Variants in ARIH2 observed in about 807,000 individuals in gnomAD.
The protein encoded by ARIH2 is E3 ubiquitin-protein ligase ARIH2.
In ARIH2, 12 loss-of-function variants were observed where a neutral mutation model predicts 79.8. The ratio of observed to expected loss-of-function variants is 0.15; its 90% CI spans 0.10 to 0.24. ARIH2 has a LOEUF of 0.24. Among genes scored for constraint, ARIH2 ranks in the 10% least tolerant of loss-of-function variants. The pLI is 1.00. For missense variants in ARIH2, 301 were observed against 618.3 expected (o/e 0.49, Z 5.44); for synonymous variants, 224 against 213.9 (o/e 1.05, Z -0.41).
At chr3:48,958,433 C>T (rs977572133) in intron 3 of ARIH2, among the ~76,000 whole-genome samples, 1 of 152,240 alleles carries the variant, frequency 6.6e-6, no homozygotes, top group East Asian at 1.9e-4. Flanking sequence ...ATAGATAGGC[C>T]GGGCACGGTG....
intron 3 of ARIH2, chr3:48,935,023 T>A: frequency 1.2e-6 from 1 of 853,898 alleles, no homozygotes; most frequent in Non-Finnish European, 1.4e-6. Context: ...TTTGTCAAGA[T>A]GTTACTACAG....
chr3:48,934,551 C>T (rs1265121068), intron 3 of ARIH2: 3 of 985,216 alleles, frequency 3.0e-6, no homozygotes, highest in Non-Finnish European at 3.6e-6. Flanking sequence ...CTGATGTGAG[C>T]TGTCTTTGCA....
At chr3:48,923,943 G>A (rs913958395) in intron 2 of ARIH2, among the ~76,000 whole-genome samples, 1 of 152,172 alleles carries the variant, frequency 6.6e-6, no homozygotes, top group Non-Finnish European at 1.5e-5. Context: ...AAACCAGCCT[G>A]AGCAACATAG....
At chr3:48,981,471 C>T (rs1559870993) in intron 13 of ARIH2, among the ~76,000 whole-genome samples, 189 bp from the exon 14 acceptor site, 1 of 152,124 alleles carries the variant, frequency 6.6e-6, no homozygotes, top group African/African-American at 2.4e-5. Flanking sequence ...CTGTGACCAT[C>T]GTTGTTTGTT....
In ARIH2 at chr3:48,978,415, TTGTGTATGTGTGTGTGTGTG is replaced by T. The variant is rs756802486; in HGVS notation, c.962-1061_962-1042del. ...GCATGTGCCACCACACCTGGCTAAT[TTGTGTATGTGTGTGTGTGTG>T]TGTGTGTGTGTGTGTGTGTGTGTGT... is the stretch of plus-strand genomic sequence containing the variant. On this transcript the variant is annotated intron_variant, in intron 11 of 15. Coordinates refer to ENST00000356401, the MANE Select transcript of ARIH2 (RefSeq NM_006321.4). 3.5e-4 allele frequency among the ~76,000 whole-genome samples: 32 copies of T among 90,696 alleles called. No homozygotes were observed. The South Asian group carries it at 4.0e-3, about 11-fold the overall frequency. 59.5% of individuals were successfully genotyped at this position (90,696 alleles called of 152,430 possible).
chr3:48,949,291 G>A (rs1393496793), intron 3 of ARIH2, among the ~76,000 whole-genome samples: 1 of 152,098 alleles, frequency 6.6e-6, no homozygotes, highest in Non-Finnish European at 1.5e-5. Context: ...CTAGTTTTTT[G>A]TGTTTTTAGT....
chr3:48,950,035 T>A (rs993871627), intron 3 of ARIH2, among the ~76,000 whole-genome samples: 2 of 152,190 alleles, frequency 1.3e-5, no homozygotes, highest in African/African-American at 4.8e-5. Context: ...CTGTGCTTTC[T>A]TTTAGCAATT....
intron 9 of ARIH2, 123 bp downstream of exon 9, chr3:48,973,939 G>T: frequency 1.5e-6 from 1 of 673,670 alleles, no homozygotes; most frequent in South Asian, 2.2e-5. Flanking sequence ...TGAGGACTGG[G>T]GGTTTGGGGA....
intron 2 of ARIH2, among the ~76,000 whole-genome samples, chr3:48,926,211 G>A (rs1338267585): frequency 3.9e-5 from 6 of 151,910 alleles, no homozygotes; most frequent in Non-Finnish European, 5.9e-5. Context: ...CGCTGTTTGC[G>A]GGCTTTTCTT....
chr3:48,936,669 G>A lies in ARIH2; in HGVS notation c.255+8856G>A, dbSNP rs1264018081. On this transcript the variant is annotated intron_variant, in intron 3 of 15. Transcript: ENST00000356401. Reference sequence around the variant, plus strand: ...AATCGCTTGAACCTGGGAAGCGGAGGTTGCAGTGAGCCAAGATTGCACCAC... The same window carrying A: ...AATCGCTTGAACCTGGGAAGCGGAGATTGCAGTGAGCCAAGATTGCACCAC... Among the ~76,000 whole-genome samples, 5 of 151,808 alleles carry A rather than the reference G, an allele frequency of 3.3e-5. No individual in the cohort carries two copies. In the East Asian group the frequency reaches 9.7e-4, roughly 30 times the overall value.
In ARIH2 at chr3:48,947,314, G is replaced by C. The variant is rs1433146969; in HGVS notation, c.256-14298G>C. 2.0e-5 allele frequency among the ~76,000 whole-genome samples: 3 copies of C among 152,088 alleles called. No individual in the cohort carries two copies. In the East Asian group the frequency reaches 5.8e-4, roughly 29 times the overall value. ...AAATTAGCCGGGCGTTGTAGCGCAT[G>C]CCTATAATCCCAGCTACTCGGGAGG... On this transcript the variant is annotated intron_variant, in intron 3 of 15. Coordinates refer to ENST00000356401, the MANE Select transcript of ARIH2 (RefSeq NM_006321.4).
chr3:48,926,268 T>TGTGTGTAC (rs1188594069), intron 2 of ARIH2, among the ~76,000 whole-genome samples: 1 of 151,840 alleles, frequency 6.6e-6, no homozygotes, highest in African/African-American at 2.4e-5. Context: ...TGTGTGTGTA[T>TGTGTGTAC]GTGTGTACGT....
intron 12 of ARIH2, chr3:48,979,920 T>C (rs1457369137): frequency 6.5e-6 from 2 of 310,064 alleles, no homozygotes; most frequent in Non-Finnish European, 1.2e-5. Flanking sequence ...CCATCTTTTT[T>C]TTTTTTTCTT....
intron 3 of ARIH2, among the ~76,000 whole-genome samples, chr3:48,929,408 C>T (rs2086078659): frequency 6.7e-6 from 1 of 150,168 alleles, no homozygotes; most frequent in Non-Finnish European, 1.5e-5. Flanking sequence ...GTTTTACATT[C>T]TTCCTTCTTA....
At chr3:48,956,421 G>A (rs1167191799) in intron 3 of ARIH2, among the ~76,000 whole-genome samples, 1 of 140,498 alleles carries the variant, frequency 7.1e-6, no homozygotes, top group Non-Finnish European at 1.5e-5. Context: ...TTACAGACGT[G>A]AGCCACTGCG....
intron 1 of ARIH2, among the ~76,000 whole-genome samples, chr3:48,922,008 G>A (rs1292269053): frequency 6.6e-6 from 1 of 152,174 alleles, no homozygotes; most frequent in Non-Finnish European, 1.5e-5. Flanking sequence ...CACAGTGGAG[G>A]TGATTTTGTA....
At chr3:48,956,288 G>A (rs1382858888) in intron 3 of ARIH2, among the ~76,000 whole-genome samples, 3 of 151,174 alleles carry the variant, frequency 2.0e-5, no homozygotes, top group Non-Finnish European at 3.0e-5. Context: ...ACAGGCGCCC[G>A]CCACAACACC....
intron 3 of ARIH2, among the ~76,000 whole-genome samples, chr3:48,937,456 C>T (rs1285989247): frequency 6.6e-6 from 1 of 152,134 alleles, no homozygotes; most frequent in African/African-American, 2.4e-5. Flanking sequence ...TGCCTCTGTA[C>T]CACTGTGCTT....
In ARIH2 at chr3:48,973,609, C is replaced by G; in HGVS notation, c.771-90C>G. ...AAAAAAAAAGAAAAAAGCTCTAATT[C>G]ATGATTTGTTGGCTTGGATAAAAGG... On this transcript the variant is annotated intron_variant, in intron 8 of 15. Coordinates refer to ENST00000356401, the MANE Select transcript of ARIH2 (RefSeq NM_006321.4). The G allele has an allele frequency of 1.3e-5, 10 of 785,380 alleles. No individual in the cohort carries two copies. In the South Asian group the frequency reaches 1.5e-4, roughly 12 times the overall value. The allele number at this position is 785,380 out of a possible 1,614,324, so 48.7% of individuals were successfully genotyped here. A position where few individuals can be genotyped will look rare whatever the true frequency, so the allele number is the denominator to read the frequency against.
Sources: allele counts gnomAD v4.1 joint callset (sites outside exome capture counted in the v4.1 genomes callset), GRCh38; gene constraint gnomAD v4.1.1; transcripts MANE v1.5; gene names NCBI Gene and HGNC (gene_info 2026-07-23, HGNC 2026-07-21).